Variants in SLC1A1 observed in about 807,000 individuals in gnomAD.
SLC1A1 encodes the protein excitatory amino acid transporter 3.
In SLC1A1, 43 loss-of-function variants were observed where a neutral mutation model predicts 53.3. That is an observed-to-expected ratio of 0.81 (90% CI 0.63 to 1.04). SLC1A1 has a LOEUF of 1.04. Among genes scored for constraint, SLC1A1 ranks in the 50% least tolerant of loss-of-function variants. The pLI, the probability that SLC1A1 is intolerant of heterozygous loss-of-function variation, is 0.00. For synonymous variants in SLC1A1, 307 were observed against 243.2 expected, an observed-to-expected ratio of 1.26 and a Z score of -2.44; for missense variants, 748 against 664.9, an observed-to-expected ratio of 1.12 and a Z score of -1.37.
chr9:4,558,390 G>A (rs562097640), intron 2 of SLC1A1, among the ~76,000 whole-genome samples: 2 of 152,254 alleles, frequency 1.3e-5, no homozygotes, highest in South Asian at 4.2e-4. Flanking sequence ...TCGTTGATTT[G>A]TGTAAATATC....
Position 4,544,128 on chromosome 9 carries a change from A to G in SLC1A1, c.92-439A>G, listed in dbSNP as rs531647453. Among the ~76,000 whole-genome samples, 19 of 152,344 alleles carry G rather than the reference A, an allele frequency of 1.2e-4. No homozygotes were observed. The South Asian group carries it at 3.9e-3, about 32-fold the overall frequency. ...AAGGTTGAGGCTGCAGTGAGCCGAG[A>G]TGGTACCACTGTACTCTAGGCTGGG... is the stretch of plus-strand genomic sequence containing the variant. On this transcript the variant is annotated intron_variant, in intron 1 of 11. Coordinates refer to ENST00000262352, the MANE Select transcript of SLC1A1 (RefSeq NM_004170.6).
chr9:4,500,809 G>A (rs886439782), intron 1 of SLC1A1, among the ~76,000 whole-genome samples: 5 of 152,108 alleles, frequency 3.3e-5, no homozygotes, highest in African/African-American at 4.8e-5. Context: ...TGCCTGTTCC[G>A]TTACCAAAGG....
chr9:4,552,261 A>T (rs1817996158), intron 2 of SLC1A1, among the ~76,000 whole-genome samples: 2 of 152,216 alleles, frequency 1.3e-5, no homozygotes, highest in Non-Finnish European at 2.9e-5. Flanking sequence ...ATTAAGTCTT[A>T]TCTCAGCAAG....
rs1248161443 is a variant in SLC1A1, at chr9:4,537,356, G to A, written c.92-7211G>A. Among the ~76,000 whole-genome samples the A allele has an allele frequency of 7.5e-5, 3 of 39,990 alleles. 1 individual carries two copies. Among genetic ancestry groups the A allele is most frequent in the Non-Finnish European group, 1.9e-4 (3 of 16,020 alleles). The allele number at this position is 39,990 out of a possible 152,430, so 26.2% of individuals were successfully genotyped here. On this transcript the variant is annotated intron_variant, in intron 1 of 11. Transcript: ENST00000262352. ...GGGTGGATCATGAGGTCAGGAGATC[G>A]AGACCATCCTGGCTAACAAGGTGAA...
intron 1 of SLC1A1, among the ~76,000 whole-genome samples, chr9:4,515,529 G>A (rs1821132819): frequency 6.6e-6 from 1 of 152,198 alleles, no homozygotes; most frequent in African/African-American, 2.4e-5. Flanking sequence ...GATGGAAATG[G>A]AAGCTATAAA....
intron 2 of SLC1A1, among the ~76,000 whole-genome samples, chr9:4,552,318 G>A (rs1431799247): frequency 1.3e-5 from 2 of 152,152 alleles, no homozygotes; most frequent in African/African-American, 4.8e-5. Context: ...CTGGGAATGA[G>A]GTCAGTGCAG....
At chr9:4,507,033 C>A (rs1438298334) in intron 1 of SLC1A1, among the ~76,000 whole-genome samples, 6 of 152,074 alleles carry the variant, frequency 3.9e-5, no homozygotes, top group Non-Finnish European at 8.8e-5. Flanking sequence ...AAATGGAGAC[C>A]ATCCTGGATA....
At chr9:4,579,125 A>G (rs1325356192) in intron 10 of SLC1A1, among the ~76,000 whole-genome samples, 1 of 152,254 alleles carries the variant, frequency 6.6e-6, no homozygotes, top group African/African-American at 2.4e-5. Flanking sequence ...TTGGCACACC[A>G]GCTGGGGAAC....
At chr9:4,520,790 A>G (rs1816043069) in intron 1 of SLC1A1, among the ~76,000 whole-genome samples, 1 of 152,186 alleles carries the variant, frequency 6.6e-6, no homozygotes, top group Admixed American at 6.5e-5. Context: ...TAGGCATGCA[A>G]TTGCTGGGTC....
chr9:4,578,533 G>C, intron 10 of SLC1A1, among the ~76,000 whole-genome samples: 1 of 152,102 alleles, frequency 6.6e-6, no homozygotes, highest in East Asian at 1.9e-4. Flanking sequence ...AAGAGGGAGA[G>C]GGAGAAGGAC....
chr9:4,495,881 G>A (rs1192631209), intron 1 of SLC1A1, among the ~76,000 whole-genome samples: 1 of 152,164 alleles, frequency 6.6e-6, no homozygotes, highest in Non-Finnish European at 1.5e-5. Context: ...AGAGAGTCCT[G>A]GAAGGGGCAC....
intron 1 of SLC1A1, among the ~76,000 whole-genome samples, chr9:4,512,479 G>C (rs1166980611): frequency 6.6e-6 from 1 of 152,114 alleles, no homozygotes; most frequent in Non-Finnish European, 1.5e-5. Context: ...CTGCACTCAA[G>C]CCTGGGTGAC....
chr9:4,503,865 T>G (rs2130803607), intron 1 of SLC1A1, among the ~76,000 whole-genome samples: 1 of 148,430 alleles, frequency 6.7e-6, no homozygotes, highest in East Asian at 1.9e-4. Flanking sequence ...TTAAAACAGG[T>G]AAATCTTTGA....
chr9:4,524,549 T>C (rs10815002), intron 1 of SLC1A1, among the ~76,000 whole-genome samples: 45,919 of 151,998 alleles, frequency 0.3, 6,987 homozygotes, highest in South Asian at 0.38. Context: ...ATAGAAGACC[T>C]GAGACTGGGT....
chr9:4,558,893 A>G (rs2129646756), intron 2 of SLC1A1, among the ~76,000 whole-genome samples: 1 of 152,326 alleles, frequency 6.6e-6, no homozygotes, highest in East Asian at 1.9e-4. Context: ...GGAGTCTGTT[A>G]AGGTGGTGAT....
rs774710357 is a variant in SLC1A1, at chr9:4,566,042, A to C, written c.441-5A>C. 9.3e-6 allele frequency: 15 copies of C among 1,612,050 alleles called. No homozygotes were observed. The highest frequency in any genetic ancestry group is 1.2e-5 in the Non-Finnish European group (14 of 1,178,186). ...ACATAATACTGCCTTTTATGTCTCC[A>C]ACAGGAATATGTTCCCTGAGAATCT... is the stretch of plus-strand genomic sequence containing the variant. On this transcript the variant is annotated splice_polypyrimidine_tract_variant and splice_region_variant and intron_variant, in intron 4 of 11. Coordinates refer to ENST00000262352, the MANE Select transcript of SLC1A1 (RefSeq NM_004170.6).
At chr9:4,538,356 T>A (rs1472607398) in intron 1 of SLC1A1, among the ~76,000 whole-genome samples, 1 of 152,222 alleles carries the variant, frequency 6.6e-6, no homozygotes, top group African/African-American at 2.4e-5. Flanking sequence ...TGCATTCTTT[T>A]GAGTTTCTGA....
intron 1 of SLC1A1, among the ~76,000 whole-genome samples, chr9:4,501,862 A>G (rs1050875043): frequency 6.6e-6 from 1 of 151,768 alleles, no homozygotes; most frequent in African/African-American, 2.4e-5. Context: ...AGAATGTACA[A>G]TTATTTTTCT....
At chr9:4,540,208 G>A (rs967804704) in intron 1 of SLC1A1, among the ~76,000 whole-genome samples, 1 of 152,020 alleles carries the variant, frequency 6.6e-6, no homozygotes, top group Non-Finnish European at 1.5e-5. Context: ...GTCTGGCCAG[G>A]GATGGCCAGA....
Sources: gnomAD v4.1 joint callset for allele counts (sites outside exome capture counted in the v4.1 genomes callset) on GRCh38, gnomAD v4.1.1 for gene constraint, MANE v1.5 for transcripts, NCBI Gene and HGNC (gene_info 2026-07-23, HGNC 2026-07-21) for gene names.